Variants in SNX2 observed in about 807,000 individuals in gnomAD.
The protein encoded by SNX2 is sorting nexin-2.
SNX2 carries 25 observed loss-of-function variants against 69.9 expected under a neutral mutation model. The observed-to-expected ratio is 0.36, with a 90% CI of 0.26 to 0.50. The LOEUF is 0.50. Among genes scored for constraint, SNX2 ranks in the 20% least tolerant of loss-of-function variants. The probability of loss-of-function intolerance (pLI) is 0.97; values close to 1 mark genes in which losing one functional copy is unlikely to be tolerated. For synonymous variants in SNX2, 229 were observed against 200.4 expected (o/e 1.14, Z -1.20); for missense variants, 551 against 613.3 (o/e 0.90, Z 1.07).
At position 122,793,769 on chromosome 5, in the gene SNX2, T is replaced by C. The variant is rs567153926; in HGVS notation, c.109-1497T>C. Among the ~76,000 whole-genome samples the C allele has an allele frequency of 8.3e-4, 126 of 151,036 alleles. 1 individual carries two copies. Among genetic ancestry groups the C allele is most frequent in the Non-Finnish European group, 1.3e-3 (91 of 67,708 alleles). On this transcript the variant is annotated intron_variant, in intron 1 of 14. Transcript: ENST00000379516. ...ACTAAAAATACAAAAAAAAATTAGCTGGGCGTGATGGCAGACACCTGTAAT... is the reference window on the plus strand; with the variant it reads ...ACTAAAAATACAAAAAAAAATTAGCCGGGCGTGATGGCAGACACCTGTAAT...
intron 7 of SNX2, among the ~76,000 whole-genome samples, chr5:122,815,043 C>T (rs897153218): frequency 4.6e-5 from 7 of 152,202 alleles, no homozygotes; most frequent in African/African-American, 1.7e-4. Flanking sequence ...GCCACCGCGC[C>T]CAGCCGATAG....
At position 122,808,251 on chromosome 5, in the gene SNX2, A is replaced by G. The variant is rs376556001; in HGVS notation, c.644-26A>G. ...ACTTTCACAGCAATATAAAGTCATC[A>G]TGAATCTCATTCAACTTCTTCAAAG... is the stretch of plus-strand genomic sequence containing the variant. On this transcript the variant is annotated intron_variant, in intron 6 of 14. Coordinates refer to ENST00000379516, the MANE Select transcript of SNX2 (RefSeq NM_003100.4). 10 of 1,429,248 alleles carry G rather than the reference A, an allele frequency of 7.0e-6. No homozygotes were observed. In the Admixed American group the frequency reaches 1.3e-4, roughly 19 times the overall value. 88.5% of individuals were successfully genotyped at this position (1,429,248 alleles called of 1,614,324 possible).
chr5:122,815,898 A>G lies in SNX2; in HGVS notation c.725A>G (p.Tyr242Cys). Residue 242 changes from tyrosine (Y) to cysteine (C), a missense_variant and splice_region_variant, in exon 8 of 15, where the codon TAT becomes TGT. Tyr to Cys is a radical substitution (Grantham distance 194, BLOSUM62 -2). This residue lies in a region of SNX2 where 360 missense variants were observed against 450.4 expected (regional missense o/e 0.80). Transcript: ENST00000379516. ...AGCAATTTTACTCTTAAATCTAGGTATCTTCAAAGAACAGTAAAACATCCA... is the reference window on the plus strand; with the variant it reads ...AGCAATTTTACTCTTAAATCTAGGTGTCTTCAAAGAACAGTAAAACATCCA... ...VEKRRAALERYLQRTVKHPTL... is the reference protein window; with the variant it reads ...VEKRRAALERCLQRTVKHPTL... 6.3e-7 allele frequency: 1 copy of G among 1,579,542 alleles called. No homozygotes were observed. The highest frequency in any genetic ancestry group is 8.6e-7 in the Non-Finnish European group (1 of 1,156,190).
chr5:122,831,009 CAAAAAAAAAAAAA>C lies in SNX2; in HGVS notation c.*1373_*1385del, dbSNP rs58159922. Among the ~76,000 whole-genome samples the C allele has an allele frequency of 2.2e-3, 137 of 63,016 alleles. 2 individuals are homozygous for C. The highest frequency in any genetic ancestry group is 7.7e-3 in the African/African-American group (129 of 16,774). The allele number at this position is 63,016 out of a possible 152,430, so 41.3% of individuals were successfully genotyped here. ...AGGCAACAAAAGCAAAACTCCATCT[CAAAAAAAAAAAAA>C]AAAAAAAAAAAGATGACTGGTGTCA... On this transcript the variant is annotated 3_prime_UTR_variant, in exon 15 of 15. Coordinates refer to ENST00000379516, the MANE Select transcript of SNX2 (RefSeq NM_003100.4).
At chr5:122,791,274 C>T (rs62377380) in intron 1 of SNX2, among the ~76,000 whole-genome samples, 1 of 152,086 alleles carries the variant, frequency 6.6e-6, no homozygotes, top group East Asian at 1.9e-4. Flanking sequence ...CAGACATGCG[C>T]CACCATGCCC....
chr5:122,817,468 CAGA>C (rs1478015362), intron 10 of SNX2, 95 bp downstream of exon 10: 1 of 762,854 alleles, frequency 1.3e-6, no homozygotes, highest in East Asian at 2.9e-5. Flanking sequence ...GAAGTTATTG[CAGA>C]AGAGAGAAAA....
chr5:122,814,973 ACTC>A (rs1401532545), intron 7 of SNX2, among the ~76,000 whole-genome samples: 2 of 150,850 alleles, frequency 1.3e-5, no homozygotes, highest in African/African-American at 4.9e-5. Context: ...CTGGTCTTGA[ACTC>A]CTGACCTCGT....
chr5:122,823,607 T>G (rs1754077139), intron 11 of SNX2, among the ~76,000 whole-genome samples: 1 of 152,182 alleles, frequency 6.6e-6, no homozygotes. Context: ...AGGAATCAAA[T>G]TTTTACTGAA....
chr5:122,793,428 A>G (rs1395592479), intron 1 of SNX2, among the ~76,000 whole-genome samples: 2 of 152,214 alleles, frequency 1.3e-5, no homozygotes, highest in African/African-American at 4.8e-5. Flanking sequence ...TAATTGATCC[A>G]TACTGGTAGA....
intron 7 of SNX2, among the ~76,000 whole-genome samples, chr5:122,814,081 A>G (rs1753844573): frequency 1.3e-5 from 2 of 152,144 alleles, no homozygotes. Context: ...CTTAGAGGTT[A>G]AGTACTAGAT....
At chr5:122,795,181 A>G (rs1339285414) in intron 1 of SNX2, 85 bp from the exon 2 acceptor site, 2 of 811,082 alleles carry the variant, frequency 2.5e-6, no homozygotes, top group East Asian at 2.5e-5. Flanking sequence ...TTTCAAGAGA[A>G]TGTTCTATTT....
chr5:122,806,142 G>GCACACACACACACACACACACACACA lies in SNX2; in HGVS notation c.644-2134_644-2109dup, dbSNP rs139834252. On this transcript the variant is annotated intron_variant, in intron 6 of 14. Transcript: ENST00000379516. ...TGTGTATATATATACACACGCGCGC[G>GCACACACACACACACACACACACACA]CACACACACACACACACACACACAC... Among the ~76,000 whole-genome samples, 33 of 130,646 alleles carry GCACACACACACACACACACACACACA rather than the reference G, an allele frequency of 2.5e-4. 1 individual carries two copies. Among genetic ancestry groups the GCACACACACACACACACACACACACA allele is most frequent in the Admixed American group, 5.3e-4 (7 of 13,120 alleles). 85.7% of individuals were successfully genotyped at this position (130,646 alleles called of 152,430 possible). A position where few individuals can be genotyped will look rare whatever the true frequency, so the allele number is the denominator to read the frequency against.
chr5:122,775,151 C>A lies in SNX2; in HGVS notation c.48C>A (p.Thr16=), dbSNP rs1211243739. 2 of 1,596,900 alleles carry A rather than the reference C, an allele frequency of 1.3e-6. No individual in the cohort carries two copies. Among genetic ancestry groups the A allele is most frequent in the East Asian group, 2.3e-5 (1 of 44,094 alleles). The change falls in exon 1 of 15, where the codon ACC becomes ACA. Residue 16 remains threonine, a synonymous_variant. Coordinates refer to ENST00000379516, the MANE Select transcript of SNX2 (RefSeq NM_003100.4). ...CTCCGCTGGGGGACGGGAAGCCCAC[C>A]GACTTTGAGGATCTGGAGGACGGAG... The part of the protein sequence containing the change: ...EPPPLGDGKP[T]DFEDLEDGED...
At position 122,802,095 on chromosome 5, in the gene SNX2, G is replaced by A. The variant is rs1352097178; in HGVS notation, c.472G>A (p.Ala158Thr). Residue 158 changes from alanine (A) to threonine (T), a missense_variant, in exon 5 of 15, where the codon GCC (alanine) becomes ACC (threonine). Physicochemically the swap from Ala to Thr is moderately conservative, Grantham distance 58 (BLOSUM62 0). This residue lies in a region of SNX2 where 360 missense variants were observed against 450.4 expected (regional missense o/e 0.80). Transcript: ENST00000379516. ...TTTTTTTGCAGGTGATGGCATGAAT[G>A]CCTATATGGCATATAGAGTAACAAC... ...DPEKVGDGMNAYMAYRVTTKT... is the reference protein window; with the variant it reads ...DPEKVGDGMNTYMAYRVTTKT... The A allele has an allele frequency of 1.9e-6, 3 of 1,613,552 alleles. No individual in the cohort carries two copies. The highest frequency in any genetic ancestry group is 2.5e-6 in the Non-Finnish European group (3 of 1,179,620).
chr5:122,776,636 T>C (rs1223173935), intron 1 of SNX2, among the ~76,000 whole-genome samples: 1 of 152,224 alleles, frequency 6.6e-6, no homozygotes, highest in Non-Finnish European at 1.5e-5. Flanking sequence ...ACAGCTACTT[T>C]AACATGTACA....
intron 1 of SNX2, among the ~76,000 whole-genome samples, chr5:122,785,819 T>C (rs1427938264): frequency 1.3e-5 from 2 of 152,204 alleles, no homozygotes; most frequent in African/African-American, 4.8e-5. Flanking sequence ...CTAAGTGTTC[T>C]GTGTGCACTT....
At chr5:122,809,288 A>C (rs1009003799) in intron 7 of SNX2, among the ~76,000 whole-genome samples, 1 of 152,176 alleles carries the variant, frequency 6.6e-6, no homozygotes, top group Admixed American at 6.6e-5. Flanking sequence ...TGGTATCCAT[A>C]GGATGTCCTG....
At chr5:122,800,658 T>G (rs1753485367) in intron 3 of SNX2, among the ~76,000 whole-genome samples, 1 of 152,224 alleles carries the variant, frequency 6.6e-6, no homozygotes, top group Non-Finnish European at 1.5e-5. Flanking sequence ...ATTACAAACG[T>G]GTTCACTTTG....
chr5:122,775,880 T>G, intron 1 of SNX2: 1 of 652,710 alleles, frequency 1.5e-6, no homozygotes, highest in Non-Finnish European at 1.9e-6. Flanking sequence ...GTTGTGTGTG[T>G]GTGTGTTTTC....
Sources: allele counts gnomAD v4.1 joint callset (sites outside exome capture counted in the v4.1 genomes callset), GRCh38; gene constraint gnomAD v4.1.1; regional missense constraint gnomAD v4.1.1; transcripts MANE v1.5; gene names NCBI Gene and HGNC (gene_info 2026-07-23, HGNC 2026-07-21).